DHX38: variants seen among roughly 807,000 people sequenced by gnomAD.
DHX38 encodes the protein pre-mRNA-splicing factor ATP-dependent RNA helicase PRP16.
Under a neutral mutation model 153.1 loss-of-function variants are expected in DHX38, and 100 were observed. That is an observed-to-expected ratio of 0.65 (90% CI 0.56 to 0.77). DHX38 has a LOEUF of 0.77. DHX38 is among the 30% of genes least tolerant of loss of function. The probability of loss-of-function intolerance (pLI) is 0.00; values close to 1 mark genes in which losing one functional copy is unlikely to be tolerated. For missense variants in DHX38, 1,440 were observed against 1,654.0 expected (o/e 0.87, Z 2.24); for synonymous variants, 650 against 631.7 (o/e 1.03, Z -0.43).
At chr16:72,096,090 T>C in intron 1 of DHX38, 49 bp from the exon 2 acceptor site, 1 of 1,522,620 alleles carries the variant, frequency 6.6e-7, no homozygotes, top group Non-Finnish European at 8.9e-7. Context: ...TTGTGGGATA[T>C]AGTAGAGCTG....
chr16:72,096,026 C>T (rs2042011954), intron 1 of DHX38, 113 bp from the exon 2 acceptor site: 3 of 1,125,256 alleles, frequency 2.7e-6, no homozygotes, highest in Admixed American at 2.8e-5. Flanking sequence ...TAGTCCTGGT[C>T]TTAAGGGGAG....
chr16:72,105,870 G>C, intron 18 of DHX38, 135 bp from the exon 19 acceptor site: 4 of 794,532 alleles, frequency 5.0e-6, no homozygotes, highest in Non-Finnish European at 8.3e-6. Flanking sequence ...TTCTTCAGGT[G>C]TTCATGAGAA....
intron 19 of DHX38, 82 bp downstream of exon 19, chr16:72,106,199 C>T: frequency 7.4e-7 from 1 of 1,353,786 alleles, no homozygotes; most frequent in Non-Finnish European, 1.0e-6. Flanking sequence ...GGGCAGGATG[C>T]TGGCTCTAGA....
chr16:72,098,563 GGAATTGACTTTTGGC>G, intron 4 of DHX38, 67 bp from the exon 5 acceptor site: 1 of 1,536,090 alleles, frequency 6.5e-7, no homozygotes, highest in Admixed American at 1.9e-5. Context: ...GTAAATTTGG[GGAATTGACTTTTGGC>G]AACTGGTTCT....
intron 23 of DHX38, 75 bp from the exon 24 acceptor site, chr16:72,108,725 G>A: frequency 1.3e-6 from 2 of 1,596,238 alleles, no homozygotes; most frequent in Admixed American, 3.4e-5. Flanking sequence ...TGTGTCAAGA[G>A]TGTTAAGGGA....
At chr16:72,103,840 C>T (rs546810979) in intron 13 of DHX38, 52 bp downstream of exon 13, 3 of 1,596,410 alleles carry the variant, frequency 1.9e-6, no homozygotes, top group South Asian at 1.1e-5. Context: ...TAGCTTCCAC[C>T]CATTTTTGCT....
At position 72,108,371 on chromosome 16, in the gene DHX38, G is replaced by A; in HGVS notation, c.3109G>A (p.Ala1037Thr). 5 of 1,614,156 alleles carry A rather than the reference G, an allele frequency of 3.1e-6. No individual in the cohort carries two copies. The highest frequency in any genetic ancestry group is 4.2e-6 in the Non-Finnish European group (5 of 1,180,026). Residue 1037 changes from alanine to threonine, a missense_variant, in exon 22 of 27, where the codon GCC becomes ACC. By Grantham distance (58) the Ala-to-Thr change is moderately conservative (BLOSUM62 0). Transcript: ENST00000268482. ...TAACGATCATTTCATCCATGCTAAGGCCATGCGGAAGGTAGAGTGGTGGAT... is the reference window on the plus strand; with the variant it reads ...TAACGATCATTTCATCCATGCTAAGACCATGCGGAAGGTAGAGTGGTGGAT... ...WCNDHFIHAKAMRKVREVRAQ... is the reference protein window; with the variant it reads ...WCNDHFIHAKTMRKVREVRAQ...
At position 72,104,387 on chromosome 16, in the gene DHX38, G is replaced by T; in HGVS notation, c.2011-99G>T. 6.6e-7 allele frequency: 1 copy of T among 1,515,356 alleles called. No homozygotes were observed. The highest frequency in any genetic ancestry group is 1.4e-5 in the African/African-American group (1 of 72,606). 93.9% of individuals were successfully genotyped at this position (1,515,356 alleles called of 1,614,324 possible). On this transcript the variant is annotated intron_variant, in intron 14 of 26. Coordinates refer to ENST00000268482, the MANE Select transcript of DHX38 (RefSeq NM_014003.4). This position sits in a 1 kb window ranked among gnomAD's most constrained non-coding sequence, Gnocchi z 4.5. ...AAGAATTGAATAGGCCCATTTGTCA[G>T]CTTTGGCTTGTGTTTCCTCGGGGGT... is the stretch of plus-strand genomic sequence containing the variant.
At position 72,105,064 on chromosome 16, in the gene DHX38, A is replaced by C. The variant is rs1439348766; in HGVS notation, c.2189A>C (p.Gln730Pro). Reference protein sequence around the residue: ...QEDYVEAAVKQSLQVHLSGAP... With the variant: ...QEDYVEAAVKPSLQVHLSGAP... ...GATTACGTGGAGGCTGCAGTGAAGC[A>C]GTCCTTGCAGGTGCACCTGTCGGGG... is the stretch of plus-strand genomic sequence containing the variant. Residue 730 changes from glutamine (Q) to proline (P), a missense_variant, in exon 16 of 27, where the codon CAG becomes CCG. Coordinates refer to ENST00000268482, the MANE Select transcript of DHX38 (RefSeq NM_014003.4). 1 of 1,614,202 alleles carries C rather than the reference A, an allele frequency of 6.2e-7. No individual in the cohort carries two copies. The highest frequency in any genetic ancestry group is 8.5e-7 in the Non-Finnish European group (1 of 1,180,030).
rs1458065484 is a variant in DHX38, at chr16:72,101,139, T to C, written c.1332T>C (p.Ala444=). The change falls in exon 10 of 27, where the codon GCT becomes GCC. Residue 444 remains alanine (A), a synonymous_variant. Coordinates refer to ENST00000268482, the MANE Select transcript of DHX38 (RefSeq NM_014003.4). ...CTACTTCTGACCTGGCCATCATTGC[T>C]CGGAAAGGCAGCCAGACAGTGCGGA... The part of the protein sequence containing the change: ...KDATSDLAII[A]RKGSQTVRKH... 3 of 1,614,082 alleles carry C rather than the reference T, an allele frequency of 1.9e-6. No individual in the cohort carries two copies. In the African/African-American group the frequency reaches 4.0e-5, roughly 22 times the overall value.
intron 10 of DHX38, 108 bp from the exon 11 acceptor site, chr16:72,101,392 G>A: frequency 8.1e-7 from 1 of 1,233,462 alleles, no homozygotes; most frequent in South Asian, 1.4e-5. Flanking sequence ...CCAGCACTCT[G>A]GGGGAGTTTA....
Position 72,096,212 on chromosome 16 carries a change from G to A in DHX38, c.55G>A (p.Asp19Asn), listed in dbSNP as rs145829337. ...CCATCGATTGGAAGGCACTGATCTG[G>A]ACTGTCAGGTTGGTGGTCTTATTTG... Reference protein sequence around the residue: ...SIHRLEGTDLDCQVGGLICKS... With the variant: ...SIHRLEGTDLNCQVGGLICKS... Residue 19 changes from aspartate (D) to asparagine (N), a missense_variant, in exon 2 of 27, where the codon GAC becomes AAC. Asp to Asn is a conservative substitution (Grantham distance 23). This residue lies in a region of DHX38 where 483 missense variants were observed against 465.1 expected (regional missense o/e 1.04). Coordinates refer to ENST00000268482, the MANE Select transcript of DHX38 (RefSeq NM_014003.4). 1.4e-3 allele frequency: 2,324 copies of A among 1,614,064 alleles called. 3 individuals carry two copies. Among genetic ancestry groups the A allele is most frequent in the Non-Finnish European group, 1.8e-3 (2,170 of 1,179,978 alleles).
In DHX38 at chr16:72,105,504, T is replaced by C. The variant is rs774908510; in HGVS notation, c.2380-13T>C. ...AGGGACTCATTTTTCCCTTCCTGTA[T>C]GTCCTGCTCTAGGCTCCAGATGGCG... On this transcript the variant is annotated splice_polypyrimidine_tract_variant and intron_variant, in intron 17 of 26. Transcript: ENST00000268482. The C allele has an allele frequency of 1.7e-5, 28 of 1,614,032 alleles. No homozygotes were observed. Among genetic ancestry groups the C allele is most frequent in the East Asian group, 2.2e-5 (1 of 44,890 alleles).
Position 72,108,244 on chromosome 16 carries a change from T to G in DHX38, c.2982T>G (p.Ser994Arg). 2 of 1,613,150 alleles carry G rather than the reference T, an allele frequency of 1.2e-6. No individual in the cohort carries two copies. Among genetic ancestry groups the G allele is most frequent in the Non-Finnish European group, 1.7e-6 (2 of 1,179,810 alleles). The change falls in exon 22 of 27, where the codon AGT (serine) becomes AGG (arginine). Residue 994 changes from serine (S) to arginine (R), a missense_variant. Ser to Arg is a moderately radical substitution (Grantham distance 110, BLOSUM62 -1). Coordinates refer to ENST00000268482, the MANE Select transcript of DHX38 (RefSeq NM_014003.4). ...FYRPKGREEE[S>R]DQIREKFAVP... ...CTTCCTAGGGTCGAGAGGAGGAGAG[T>G]GATCAAATCCGGGAGAAGTTCGCTG...
In DHX38 at chr16:72,100,549, C is replaced by T. The variant is rs1422835818; in HGVS notation, c.1230C>T (p.His410=). ...CGGCCAAGGTGCATCTGATGGTGCA[C>T]AATCTGGTGCCTCCCTTTCTGGATG... ...DNAAKVHLMV[H]NLVPPFLDGR... The change falls in exon 9 of 27, where the codon CAC becomes CAT. Residue 410 remains histidine (H), a synonymous_variant. Transcript: ENST00000268482. 4.3e-6 allele frequency: 7 copies of T among 1,614,134 alleles called. No homozygotes were observed. Among genetic ancestry groups the T allele is most frequent in the Non-Finnish European group, 5.9e-6 (7 of 1,180,028 alleles).
At position 72,107,925 on chromosome 16, in the gene DHX38, G is replaced by A. The variant is rs2042202028; in HGVS notation, c.2964+126G>A. 15 of 1,369,852 alleles carry A rather than the reference G, an allele frequency of 1.1e-5. No individual in the cohort carries two copies. Among genetic ancestry groups the A allele is most frequent in the Non-Finnish European group, 1.5e-5 (15 of 1,023,510 alleles). The allele number at this position is 1,369,852 out of a possible 1,614,324, so 84.9% of individuals were successfully genotyped here. ...ATCAGAGTTTCTGAAGAATGATTTT[G>A]CTGTTCTCGGTTAAGCAGGTTGGGG... On this transcript the variant is annotated intron_variant, in intron 21 of 26. Transcript: ENST00000268482. This position sits in a 1 kb window ranked among gnomAD's most constrained non-coding sequence, Gnocchi z 5.3.
At chr16:72,097,126 T>C (rs1443521004) in intron 3 of DHX38, 117 bp downstream of exon 3, 5 of 1,185,674 alleles carry the variant, frequency 4.2e-6, no homozygotes, top group Non-Finnish European at 5.8e-6. Context: ...ATTTGCATGA[T>C]GTCCGCCTGA....
chr16:72,108,663 G>C, intron 23 of DHX38, 56 bp downstream of exon 23: 2 of 1,595,802 alleles, frequency 1.3e-6, no homozygotes, highest in Non-Finnish European at 1.7e-6. Context: ...TAAGGGCAAA[G>C]TTCTTCCTTT....
At chr16:72,109,615 C>A in intron 25 of DHX38, 105 bp downstream of exon 25, 1 of 1,056,218 alleles carries the variant, frequency 9.5e-7, no homozygotes, top group Non-Finnish European at 1.3e-6. Context: ...TTACTTCTCT[C>A]TGCAAACATA....
Sources: allele counts gnomAD v4.1 joint callset, GRCh38; gene constraint gnomAD v4.1.1; regional missense constraint gnomAD v4.1.1; non-coding constraint Gnocchi (gnomAD v3.1); transcripts MANE v1.5; gene names NCBI Gene and HGNC (gene_info 2026-07-23, HGNC 2026-07-21).